LRP1B: variants seen among roughly 807,000 people sequenced by gnomAD.
The protein encoded by LRP1B is LDL receptor related protein 1B.
In LRP1B, 217 loss-of-function variants were observed where a neutral mutation model predicts 556.6. The observed-to-expected ratio is 0.39, with a 90% CI of 0.35 to 0.44. The LOEUF is 0.44. LRP1B is among the 20% of genes least tolerant of loss of function. LRP1B has a pLI of 1.00. For synonymous variants in LRP1B, 2,047 were observed against 1,865.8 expected, an observed-to-expected ratio of 1.10 and a Z score of -2.50; for missense variants, 5,053 against 5,620.8, an observed-to-expected ratio of 0.90 and a Z score of 3.23.
chr2:141,586,413 G>A (rs1687137789), intron 2 of LRP1B, among the ~76,000 whole-genome samples: 1 of 152,002 alleles, frequency 6.6e-6, no homozygotes, highest in Non-Finnish European at 1.5e-5. Context: ...ATGAAAGGCT[G>A]GACTCTATTA....
At chr2:141,906,759 T>C (rs1316834525) in intron 1 of LRP1B, among the ~76,000 whole-genome samples, 1 of 152,066 alleles carries the variant, frequency 6.6e-6, no homozygotes, top group Non-Finnish European at 1.5e-5. Context: ...TTTGTGTAAG[T>C]GTGTTTGTGT....
At chr2:140,875,902 G>A (rs1693290237) in intron 25 of LRP1B, among the ~76,000 whole-genome samples, 1 of 152,064 alleles carries the variant, frequency 6.6e-6, no homozygotes, top group South Asian at 2.1e-4. Flanking sequence ...AAATTATTGT[G>A]TGCCACAGAG....
intron 32 of LRP1B, among the ~76,000 whole-genome samples, chr2:140,791,958 G>T (rs945606878): frequency 6.6e-6 from 1 of 152,146 alleles, no homozygotes; most frequent in African/African-American, 2.4e-5. Context: ...TTCTGAAGGT[G>T]ATATAAATTT....
At chr2:141,227,615 C>CT (rs1313807752) in intron 6 of LRP1B, among the ~76,000 whole-genome samples, 1 of 152,114 alleles carries the variant, frequency 6.6e-6, no homozygotes, top group African/African-American at 2.4e-5. Flanking sequence ...CAATAAATAA[C>CT]TTTATCAATT....
chr2:140,760,446 AATCG>A (rs1688875682), intron 35 of LRP1B, among the ~76,000 whole-genome samples: 1 of 152,186 alleles, frequency 6.6e-6, no homozygotes, highest in African/African-American at 2.4e-5. Context: ...CTTGATAAAC[AATCG>A]TAGATCAACT....
At chr2:141,390,795 C>G (rs1462869005) in intron 3 of LRP1B, among the ~76,000 whole-genome samples, 1 of 152,158 alleles carries the variant, frequency 6.6e-6, no homozygotes, top group South Asian at 2.1e-4. Flanking sequence ...GAATGAAGAA[C>G]AAGTGCGCAA....
chr2:140,977,029 T>C (rs1448647706), intron 18 of LRP1B, among the ~76,000 whole-genome samples: 2 of 152,222 alleles, frequency 1.3e-5, no homozygotes, highest in Non-Finnish European at 2.9e-5. Context: ...ACAAAACATG[T>C]CATTGTTTGA....
chr2:141,019,494 T>C (rs980813109), intron 12 of LRP1B, among the ~76,000 whole-genome samples: 7 of 152,072 alleles, frequency 4.6e-5, no homozygotes, highest in South Asian at 2.1e-4. Flanking sequence ...GGTTACAAAA[T>C]AGGGTCAGAG....
intron 35 of LRP1B, among the ~76,000 whole-genome samples, chr2:140,743,210 A>G (rs978979027): frequency 1.3e-5 from 2 of 152,210 alleles, no homozygotes; most frequent in African/African-American, 4.8e-5. Context: ...ACTATATTAA[A>G]TATAATGTGC....
In LRP1B at chr2:140,478,144, C is replaced by CTTTT. The variant is rs35948232; in HGVS notation, c.9426-2811_9426-2808dup. Among the ~76,000 whole-genome samples, 271 of 62,760 alleles carry CTTTT rather than the reference C, an allele frequency of 4.3e-3. 2 individuals are homozygous for CTTTT. Among genetic ancestry groups the CTTTT allele is most frequent in the African/African-American group, 0.015 (263 of 17,472 alleles). 41.2% of individuals were successfully genotyped at this position (62,760 alleles called of 152,430 possible). ...GATTTTAGGACAAAGTATAACTTAA[C>CTTTT]TTTTTTTTTTTTTTTTTTTTTTTGA... On this transcript the variant is annotated intron_variant, in intron 59 of 90. Transcript: ENST00000389484.
At chr2:141,102,525 C>G (rs902700662) in intron 7 of LRP1B, among the ~76,000 whole-genome samples, 2 of 152,018 alleles carry the variant, frequency 1.3e-5, no homozygotes, top group African/African-American at 4.8e-5. Context: ...AGAATGAGCT[C>G]AGAAATCTTA....
At chr2:141,960,236 A>T (rs1011617268) in intron 1 of LRP1B, among the ~76,000 whole-genome samples, 3 of 151,670 alleles carry the variant, frequency 2.0e-5, no homozygotes, top group Non-Finnish European at 4.4e-5. Context: ...ATGCTAATTG[A>T]TTTTTCTGAA....
At chr2:142,005,712 A>G (rs914974513) in intron 1 of LRP1B, among the ~76,000 whole-genome samples, 11 of 152,166 alleles carry the variant, frequency 7.2e-5, no homozygotes, top group African/African-American at 2.7e-4. Flanking sequence ...AAAATAATTT[A>G]TCAAACTTGC....
intron 59 of LRP1B, among the ~76,000 whole-genome samples, chr2:140,478,377 C>T (rs960557131): frequency 1.3e-5 from 2 of 151,960 alleles, no homozygotes; most frequent in African/African-American, 4.8e-5. Context: ...TCTCGATCTC[C>T]TGACCTTGTG....
intron 7 of LRP1B, among the ~76,000 whole-genome samples, chr2:141,185,469 C>A (rs1249430): frequency 6.6e-6 from 1 of 152,006 alleles, no homozygotes; most frequent in African/African-American, 2.4e-5. Flanking sequence ...TTGCTAAAAA[C>A]TTTTGAAAGG....
intron 67 of LRP1B, among the ~76,000 whole-genome samples, chr2:140,381,977 A>G (rs1032932730): frequency 6.6e-6 from 1 of 152,118 alleles, no homozygotes; most frequent in Non-Finnish European, 1.5e-5. Flanking sequence ...CACAGAACTG[A>G]AAAGAGCTTT....
At chr2:140,247,397 C>T (rs148058327) in intron 86 of LRP1B, among the ~76,000 whole-genome samples, 2 of 151,612 alleles carry the variant, frequency 1.3e-5, no homozygotes, top group Admixed American at 6.6e-5. Context: ...AGACATTTTA[C>T]TTATTCTGTG....
chr2:140,330,667 C>T (rs1680759135), intron 79 of LRP1B, among the ~76,000 whole-genome samples: 3 of 150,926 alleles, frequency 2.0e-5, no homozygotes, highest in African/African-American at 4.9e-5. Flanking sequence ...GCAAAGGCAA[C>T]GATTTCATGA....
At chr2:141,445,364 CAA>C (rs1681149001) in intron 3 of LRP1B, among the ~76,000 whole-genome samples, 3 of 151,978 alleles carry the variant, frequency 2.0e-5, no homozygotes, top group Admixed American at 6.6e-5. Flanking sequence ...TTCATCTTTT[CAA>C]AAACCAGCTC....
Sources: gnomAD v4.1 joint callset for allele counts (sites outside exome capture counted in the v4.1 genomes callset) on GRCh38, gnomAD v4.1.1 for gene constraint, MANE v1.5 for transcripts, NCBI Gene and HGNC (gene_info 2026-07-23, HGNC 2026-07-21) for gene names.